DCAF8L2: variants seen among roughly 807,000 people sequenced by gnomAD.
DCAF8L2 encodes the protein DDB1 and CUL4 associated factor 8 like 2.
For missense variants in DCAF8L2, 430 were observed against 490.7 expected (o/e 0.88, Z 1.17); for synonymous variants, 200 against 190.9 (o/e 1.05, Z -0.39).
intron 1 of DCAF8L2, among the ~76,000 whole-genome samples, chrX:27,625,485 T>G (rs1253816278): frequency 1.8e-5 from 2 of 111,908 alleles, no homozygotes; most frequent in Non-Finnish European, 3.8e-5. Context: ...GAACTACCAT[T>G]TGACCCAGCT....
chrX:27,537,693 T>C, the DCAF8L2 span, among the ~76,000 whole-genome samples: 1 of 111,960 alleles, frequency 8.9e-6, no homozygotes, highest in Admixed American at 9.5e-5. Flanking sequence ...TATGTGCACA[T>C]GTATTTCCAC....
At chrX:27,715,948 C>T (rs988736240) in intron 3 of DCAF8L2, 140 bp from the exon 4 acceptor site, 14 of 112,549 alleles carry the variant, frequency 1.2e-4, no homozygotes, top group African/African-American at 3.9e-4. Flanking sequence ...CTACACATTG[C>T]ATAACCTTAA....
chrX:27,635,978 A>T (rs1928488612), intron 2 of DCAF8L2, among the ~76,000 whole-genome samples: 1 of 109,495 alleles, frequency 9.1e-6, no homozygotes, highest in Admixed American at 9.8e-5. Context: ...CGCCCAGCTA[A>T]TTTTTTGTAT....
the DCAF8L2 span, among the ~76,000 whole-genome samples, chrX:27,575,425 C>T: frequency 9.0e-6 from 1 of 111,123 alleles, no homozygotes; most frequent in East Asian, 2.9e-4. Context: ...TGCCTATCCT[C>T]ACCTAGGTCA....
the DCAF8L2 span, among the ~76,000 whole-genome samples, chrX:27,527,969 A>G: frequency 9.3e-6 from 1 of 107,213 alleles, no homozygotes; most frequent in Non-Finnish European, 1.9e-5. Flanking sequence ...TGGAATTATT[A>G]AATTCCAATT....
chrX:27,475,565 G>T, the DCAF8L2 span, among the ~76,000 whole-genome samples: 1 of 111,514 alleles, frequency 9.0e-6, no homozygotes. Context: ...TTAGTGTGTC[G>T]CTTGAACAGG....
chrX:27,731,100 C>T (rs955501340), intron 4 of DCAF8L2, among the ~76,000 whole-genome samples: 15 of 110,928 alleles, frequency 1.4e-4, no homozygotes, highest in African/African-American at 4.3e-4. Context: ...AAACAACAGA[C>T]ATTTAGGCTG....
At chrX:27,651,505 CTT>C (rs1170253991) in intron 2 of DCAF8L2, among the ~76,000 whole-genome samples, 66 of 88,198 alleles carry the variant, frequency 7.5e-4, no homozygotes, top group African/African-American at 2.4e-3. Flanking sequence ...AGTAGATAAC[CTT>C]TTTTTTTTTT....
intron 1 of DCAF8L2, among the ~76,000 whole-genome samples, chrX:27,591,016 A>ATATATATATATATATATATAT (rs1569153314): frequency 4.0e-4 from 18 of 44,731 alleles, no homozygotes; most frequent in East Asian, 7.6e-4. Flanking sequence ...TATATATATA[A>ATATATATATATATATATATAT]ATAAATAATT....
intron 3 of DCAF8L2, among the ~76,000 whole-genome samples, chrX:27,710,768 C>G (rs964501551): frequency 8.9e-6 from 1 of 112,102 alleles, no homozygotes; most frequent in African/African-American, 3.2e-5. Context: ...CTAGGGCCTC[C>G]AACACAAAGT....
chrX:27,578,441 C>A, the DCAF8L2 span, among the ~76,000 whole-genome samples: 1 of 111,455 alleles, frequency 9.0e-6, no homozygotes, highest in Non-Finnish European at 1.9e-5. Context: ...CACATAAAAG[C>A]CAAAACTATA....
intron 3 of DCAF8L2, among the ~76,000 whole-genome samples, chrX:27,681,428 T>C (rs778827433): frequency 9.0e-6 from 1 of 111,699 alleles, no homozygotes; most frequent in South Asian, 3.7e-4. Flanking sequence ...AACCAGGTCA[T>C]TAGAGCTGCA....
At chrX:27,613,856 G>A (rs1927315885) in intron 1 of DCAF8L2, among the ~76,000 whole-genome samples, 1 of 111,449 alleles carries the variant, frequency 9.0e-6, no homozygotes, top group African/African-American at 3.3e-5. Context: ...CGGTTTGCCA[G>A]TATTTTATTG....
the DCAF8L2 span, among the ~76,000 whole-genome samples, chrX:27,497,681 G>T: frequency 9.1e-6 from 1 of 110,357 alleles, no homozygotes; most frequent in Non-Finnish European, 1.9e-5. Context: ...CGATTCTTCT[G>T]CCTCAGCCTC....
intron 4 of DCAF8L2, among the ~76,000 whole-genome samples, chrX:27,735,794 G>A (rs1482026406): frequency 9.0e-6 from 1 of 111,579 alleles, no homozygotes; most frequent in African/African-American, 3.3e-5. Flanking sequence ...CATCCACTGT[G>A]TAGCAGCCAA....
intron 3 of DCAF8L2, among the ~76,000 whole-genome samples, chrX:27,695,089 T>C (rs1930845213): frequency 8.9e-6 from 1 of 112,136 alleles, no homozygotes; most frequent in Non-Finnish European, 1.9e-5. Flanking sequence ...TTTTCAGATC[T>C]GGCCCTCTGT....
At chrX:27,574,132 C>A in the DCAF8L2 span, among the ~76,000 whole-genome samples, 2 of 110,708 alleles carry the variant, frequency 1.8e-5, no homozygotes, top group African/African-American at 6.6e-5. Flanking sequence ...CCATGCCTGG[C>A]TTCAGTGGGC....
At chrX:27,565,601 T>C in the DCAF8L2 span, among the ~76,000 whole-genome samples, 1 of 111,785 alleles carries the variant, frequency 8.9e-6, no homozygotes, top group Non-Finnish European at 1.9e-5. Context: ...TTCTGTTTTT[T>C]TGGAAGAGTT....
the DCAF8L2 span, among the ~76,000 whole-genome samples, chrX:27,581,421 T>A: frequency 3.6e-5 from 4 of 111,617 alleles, no homozygotes; most frequent in Non-Finnish European, 7.5e-5. Context: ...TTTTCTAATA[T>A]ATCTTTACTT....
Sources: gnomAD v4.1 joint callset for allele counts (sites outside exome capture counted in the v4.1 genomes callset) on GRCh38, gnomAD v4.1.1 for gene constraint, MANE v1.5 for transcripts, NCBI Gene and HGNC (gene_info 2026-07-23, HGNC 2026-07-21) for gene names.